Variants in CD226 observed in about 807,000 individuals in gnomAD.
The protein encoded by CD226 is CD226 antigen.
CD226 carries 24 observed loss-of-function variants against 34.9 expected under a neutral mutation model. That is an observed-to-expected ratio of 0.69 (90% CI 0.50 to 0.97). The LOEUF is 0.97. Among genes scored for constraint, CD226 ranks in the 50% least tolerant of loss-of-function variants. The pLI is 0.00. For synonymous variants in CD226, 148 were observed against 147.4 expected, an observed-to-expected ratio of 1.00 and a Z score of -0.03; for missense variants, 397 against 412.7, an observed-to-expected ratio of 0.96 and a Z score of 0.33.
intron 2 of CD226, among the ~76,000 whole-genome samples, chr18:69,912,421 C>T (rs761332433): frequency 2.8e-4 from 42 of 152,134 alleles, no homozygotes; most frequent in Non-Finnish European, 5.3e-4. Context: ...AAAATGATGC[C>T]CCTTCTATGT....
intron 3 of CD226, among the ~76,000 whole-genome samples, chr18:69,894,758 C>G (rs1985166492): frequency 6.6e-6 from 1 of 151,692 alleles, no homozygotes; most frequent in African/African-American, 2.4e-5. Context: ...CTGGGAGAGC[C>G]TGGGATGGCC....
intron 2 of CD226, among the ~76,000 whole-genome samples, chr18:69,914,379 A>G (rs909814036): frequency 2.6e-5 from 4 of 152,216 alleles, no homozygotes; most frequent in Admixed American, 1.3e-4. Context: ...TGAACACCAT[A>G]TATCAATTAT....
At chr18:69,895,123 T>A (rs1224555414) in intron 3 of CD226, among the ~76,000 whole-genome samples, 2 of 152,184 alleles carry the variant, frequency 1.3e-5, no homozygotes, top group South Asian at 2.1e-4. Flanking sequence ...TTTGGGGATC[T>A]GCAAGGTCAA....
chr18:69,938,481 C>T (rs2055682524), intron 2 of CD226, among the ~76,000 whole-genome samples: 1 of 152,216 alleles, frequency 6.6e-6, no homozygotes, highest in African/African-American at 2.4e-5. Context: ...CAGATGACTT[C>T]AAATTGGATA....
At position 69,895,766 on chromosome 18, in the gene CD226, C is replaced by T. The variant is rs142729993; in HGVS notation, c.662G>A (p.Arg221His). The change falls in exon 3 of 6, where the codon CGC (arginine) becomes CAC (histidine). Residue 221 changes from arginine (R) to histidine (H), a missense_variant. By Grantham distance (29) the Arg-to-His change is conservative. Transcript: ENST00000582621. Reference protein sequence around the residue: ...DVTVSDSGLYRCYLQASAGEN... With the variant: ...DVTVSDSGLYHCYLQASAGEN... Reference sequence around the variant, plus strand: ...TCCTGCGCTGGCCTGCAAGTAGCAGCGGTAAAGCCCCGAGTCTGAGACTGT... The same window carrying T: ...TCCTGCGCTGGCCTGCAAGTAGCAGTGGTAAAGCCCCGAGTCTGAGACTGT... 1.7e-5 allele frequency: 27 copies of T among 1,614,176 alleles called. No homozygotes were observed. The highest frequency in any genetic ancestry group is 1.5e-4 in the African/African-American group (11 of 75,046).
intron 3 of CD226, among the ~76,000 whole-genome samples, chr18:69,879,429 T>C (rs907064687): frequency 6.6e-6 from 1 of 152,104 alleles, no homozygotes; most frequent in African/African-American, 2.4e-5. Context: ...ATTATTAATA[T>C]TCCTTACTGG....
intron 4 of CD226, among the ~76,000 whole-genome samples, chr18:69,870,270 C>CA (rs1568157699): frequency 7.0e-6 from 1 of 142,674 alleles, no homozygotes; most frequent in East Asian, 2.1e-4. Context: ...GTTTGGCTCC[C>CA]CCTTTTTTTT....
upstream of CD226, among the ~76,000 whole-genome samples, chr18:69,960,098 G>C (rs1354225012): frequency 6.6e-6 from 1 of 152,050 alleles, no homozygotes; most frequent in African/African-American, 2.4e-5. Context: ...AAATTAGCCA[G>C]TTGTGGTGGT....
chr18:69,952,523 A>C (rs546246218), upstream of CD226, among the ~76,000 whole-genome samples: 14 of 152,344 alleles, frequency 9.2e-5, no homozygotes, highest in East Asian at 1.5e-3. Flanking sequence ...TTCTTCAATA[A>C]ATGGTCCTGG....
At chr18:69,894,720 C>T (rs1985165024) in intron 3 of CD226, among the ~76,000 whole-genome samples, 1 of 151,386 alleles carries the variant, frequency 6.6e-6, no homozygotes. Context: ...CGTGTCCCGA[C>T]AGTGAGGAAG....
rs2145369915 is a variant in CD226 at position 69,947,653 on chromosome 18, A to G, written c.-247T>C. 2 of 354,256 alleles carry G rather than the reference A, an allele frequency of 5.6e-6. No individual in the cohort carries two copies. The highest frequency in any genetic ancestry group is 4.7e-5 in the Admixed American group (1 of 21,230). 21.9% of individuals were successfully genotyped at this position (354,256 alleles called of 1,614,324 possible). A position where few individuals can be genotyped will look rare whatever the true frequency, so the allele number is the denominator to read the frequency against. On this transcript the variant is annotated 5_prime_UTR_variant, in exon 1 of 6. An upstream start codon of the reference 5' UTR is lost. Coordinates refer to ENST00000582621, the MANE Select transcript of CD226 (RefSeq NM_001303618.2). ...CCAGTCGGCTTATTTTCGGGCTTTCATTTTCTACAAGGAGTCATTCATTCA... is the reference window on the plus strand; with the variant it reads ...CCAGTCGGCTTATTTTCGGGCTTTCGTTTTCTACAAGGAGTCATTCATTCA...
chr18:69,880,194 C>T (rs1230777280), intron 3 of CD226, among the ~76,000 whole-genome samples: 8 of 114,924 alleles, frequency 7.0e-5, no homozygotes, highest in South Asian at 3.0e-4. Flanking sequence ...GGAAGGAAAG[C>T]GGGGGAGGAA....
At chr18:69,895,644 C>A in intron 3 of CD226, 57 bp downstream of exon 3, 5 of 1,297,956 alleles carry the variant, frequency 3.9e-6, no homozygotes, top group Non-Finnish European at 5.5e-6. Context: ...CAGAGACCAG[C>A]CCACGGGGCT....
upstream of CD226, among the ~76,000 whole-genome samples, chr18:69,948,870 G>A (rs992359682): frequency 3.3e-5 from 5 of 151,988 alleles, no homozygotes; most frequent in African/African-American, 1.2e-4. Flanking sequence ...TAATATAGTG[G>A]GTCATATTAA....
intron 3 of CD226, among the ~76,000 whole-genome samples, chr18:69,889,688 G>A (rs900334633): frequency 3.3e-5 from 5 of 152,058 alleles, no homozygotes; most frequent in Non-Finnish European, 5.9e-5. Flanking sequence ...CCATCTACAG[G>A]CAAGATTTAT....
At chr18:69,930,845 TC>T (rs2055580701) in intron 2 of CD226, among the ~76,000 whole-genome samples, 1 of 152,208 alleles carries the variant, frequency 6.6e-6, no homozygotes, top group Non-Finnish European at 1.5e-5. Context: ...TTTCGACTCC[TC>T]TGAGAACAAA....
chr18:69,874,469 A>G (rs1983742266), intron 3 of CD226, among the ~76,000 whole-genome samples: 1 of 152,162 alleles, frequency 6.6e-6, no homozygotes. Context: ...TCTCTTCGGG[A>G]AAGCGAACCT....
chr18:69,906,247 G>A (rs2055251326), intron 2 of CD226, among the ~76,000 whole-genome samples: 1 of 152,114 alleles, frequency 6.6e-6, no homozygotes, highest in Non-Finnish European at 1.5e-5. Flanking sequence ...ACGCCTAGAT[G>A]TGAACTTACA....
intron 3 of CD226, among the ~76,000 whole-genome samples, chr18:69,891,332 C>T (rs1194758358): frequency 6.6e-6 from 1 of 151,172 alleles, no homozygotes; most frequent in Non-Finnish European, 1.5e-5. Flanking sequence ...AAAGAATTTA[C>T]CCCAACACAA....
Sources: allele counts gnomAD v4.1 joint callset (sites outside exome capture counted in the v4.1 genomes callset), GRCh38; gene constraint gnomAD v4.1.1; transcripts MANE v1.5; gene names NCBI Gene and HGNC (gene_info 2026-07-23, HGNC 2026-07-21).